The following ACOX3 variants were observed in gnomAD, a reference collection of about 807,000 sequenced individuals.
ACOX3 encodes peroxisomal acyl-coenzyme A oxidase 3.
A neutral mutation model predicts 81.5 loss-of-function variants in ACOX3; 73 were observed. The ratio of observed to expected loss-of-function variants is 0.90; its 90% CI spans 0.74 to 1.09. The LOEUF (loss-of-function observed/expected upper bound fraction) is 1.09. Ranked by LOEUF, ACOX3 falls within the 50% of genes least tolerant of loss-of-function variation. The pLI is 0.00. For synonymous variants in ACOX3, 387 were observed against 375.1 expected, an observed-to-expected ratio of 1.03 and a Z score of -0.37; for missense variants, 947 against 928.0, an observed-to-expected ratio of 1.02 and a Z score of -0.27.
Position 8,375,008 on chromosome 4 carries a change from G to A in ACOX3, c.1798C>T (p.Leu600=), listed in dbSNP as rs1334928778. Residue 600 remains leucine, a synonymous_variant, in exon 15 of 18, where the codon CTG becomes TTG. Transcript: ENST00000356406. ...TAGAGCAGGGCCGCGTGGCGGCTCA[G>A]GGACCACAGGGCGTACAGAGCACTG... is the stretch of plus-strand genomic sequence containing the variant. The part of the protein sequence containing the change: ...RLSALYALWS[L]SRHAALLYRG... The A allele has an allele frequency of 6.5e-7, 1 of 1,539,748 alleles. No individual in the cohort carries two copies. Among genetic ancestry groups the A allele is most frequent in the East Asian group, 2.4e-5 (1 of 41,476 alleles).
At chr4:8,396,789 G>C (rs1448344909) in intron 9 of ACOX3, 148 bp downstream of exon 9, 2 of 876,416 alleles carry the variant, frequency 2.3e-6, no homozygotes, top group Admixed American at 3.8e-5. Context: ...CTTGCGGCCT[G>C]AGATGCCGCA....
At position 8,400,045 on chromosome 4, in the gene ACOX3, G is replaced by A. The variant is rs751699384; in HGVS notation, c.777-393C>T. On this transcript the variant is annotated intron_variant, in intron 7 of 17. Transcript: ENST00000356406. This position sits in a 1 kb window ranked among gnomAD's most constrained non-coding sequence, Gnocchi z 4.4. ...GTGGATCACCTCAGGTCAGGAGTTC[G>A]AAACCAGCCTGACCAATATGGTGAA... Among the ~76,000 whole-genome samples, 15 of 152,020 alleles carry A rather than the reference G, an allele frequency of 9.9e-5. No individual in the cohort carries two copies. Among genetic ancestry groups the A allele is most frequent in the Non-Finnish European group, 1.9e-4 (13 of 68,028 alleles).
In ACOX3 at chr4:8,406,717, G is replaced by A. The variant is rs1241461918; in HGVS notation, c.688-674C>T. On this transcript the variant is annotated intron_variant, in intron 6 of 17. Transcript: ENST00000356406. This position sits in a 1 kb window ranked among gnomAD's most constrained non-coding sequence, Gnocchi z 5.6. Reference sequence around the variant, plus strand: ...GGCAGAGAGAGAGAGAGGAGACAGAGAGAAAGACAGCTTACGCCATTATTT... The same window carrying A: ...GGCAGAGAGAGAGAGAGGAGACAGAAAGAAAGACAGCTTACGCCATTATTT... Among the ~76,000 whole-genome samples, 1 of 152,234 alleles carries A rather than the reference G, an allele frequency of 6.6e-6. No individual in the cohort carries two copies.
intron 9 of ACOX3, among the ~76,000 whole-genome samples, chr4:8,396,196 A>C (rs1719670935): frequency 6.6e-6 from 1 of 152,156 alleles, no homozygotes; most frequent in Non-Finnish European, 1.5e-5. Context: ...ATGCCATCAC[A>C]GTGAACAGGG....
rs1717579464 is a variant in ACOX3, at chr4:8,381,004, C to G, written c.1653+488G>C. 6.6e-6 allele frequency among the ~76,000 whole-genome samples: 1 copy of G among 152,186 alleles called. No homozygotes were observed. Among genetic ancestry groups the G allele is most frequent in the South Asian group, 2.1e-4 (1 of 4,824 alleles). ...ATTTTTTCCCTGTGGCTTCCTGGAA[C>G]ATGAGAGACAGCCCTGTCCAAGTGT... On this transcript the variant is annotated intron_variant, in intron 14 of 17. Transcript: ENST00000356406. This position sits in a 1 kb window ranked among gnomAD's most constrained non-coding sequence, Gnocchi z 4.3.
At chr4:8,365,278 C>T (rs376696063), downstream of ACOX3, among the ~76,000 whole-genome samples, 1 of 152,216 alleles carries the variant, frequency 6.6e-6, no homozygotes, top group Non-Finnish European at 1.5e-5. Flanking sequence ...CCATCTAATT[C>T]GCAAGGGCCT....
chr4:8,380,292 C>A (rs1026852539), intron 14 of ACOX3, among the ~76,000 whole-genome samples: 1 of 150,192 alleles, frequency 6.7e-6, no homozygotes, highest in Non-Finnish European at 1.5e-5. Flanking sequence ...CAGGTTCAAG[C>A]GACTCTCCTG....
intron 16 of ACOX3, among the ~76,000 whole-genome samples, chr4:8,371,240 G>A (rs1462568297): frequency 6.6e-6 from 1 of 152,186 alleles, no homozygotes; most frequent in East Asian, 1.9e-4. Context: ...TTCCCAACAA[G>A]GTAGAAAAGG....
At chr4:8,369,155 C>T (rs1372804518) in intron 17 of ACOX3, among the ~76,000 whole-genome samples, 4 of 152,308 alleles carry the variant, frequency 2.6e-5, no homozygotes, top group Middle Eastern at 6.8e-3. Context: ...AGCAGGTAGA[C>T]GCTCAAGGCC....
At chr4:8,429,562 G>A (rs1327215508) in intron 1 of ACOX3, among the ~76,000 whole-genome samples, 1 of 152,196 alleles carries the variant, frequency 6.6e-6, no homozygotes, top group Non-Finnish European at 1.5e-5. Flanking sequence ...TGTGCTGGGA[G>A]TCAGCTTGCA....
At chr4:8,379,727 C>T (rs1717403064) in intron 14 of ACOX3, among the ~76,000 whole-genome samples, 1 of 152,056 alleles carries the variant, frequency 6.6e-6, no homozygotes, top group Non-Finnish European at 1.5e-5. Context: ...CTTTTGTGCC[C>T]CCCATCTCTG....
chr4:8,375,109 G>GT lies in ACOX3; in HGVS notation c.1696dup (p.Thr566AsnfsTer51). 2 of 1,554,864 alleles carry GT rather than the reference G, an allele frequency of 1.3e-6. No homozygotes were observed. The highest frequency in any genetic ancestry group is 1.2e-5 in the South Asian group (1 of 84,400). ...GTGCTCGTGGAACCTCTGGACCACC[G>GT]TGAGCTCCACGAAGGCCAGCGCCAA... On this transcript the variant is annotated frameshift_variant, in exon 15 of 18. Coordinates refer to ENST00000356406, the MANE Select transcript of ACOX3 (RefSeq NM_003501.3). LOFTEE classifies it high-confidence loss of function.
chr4:8,388,981 C>T (rs1420307670), intron 13 of ACOX3, among the ~76,000 whole-genome samples, 192 bp downstream of exon 13: 6 of 152,156 alleles, frequency 3.9e-5, no homozygotes, highest in East Asian at 3.9e-4. Flanking sequence ...GTGGAGTCAG[C>T]GCCTAACTCG....
In ACOX3 at chr4:8,370,420, A is replaced by T. The variant is rs1442664717; in HGVS notation, c.1983+488T>A. ...GGGGCAGGAGGAGAGCTGAGGAGCC[A>T]CAGGGAGGCGGTTGGGGGAAAGCGG... On this transcript the variant is annotated intron_variant, in intron 17 of 17. Coordinates refer to ENST00000356406, the MANE Select transcript of ACOX3 (RefSeq NM_003501.3). The surrounding 1 kb of genome is among the most constrained non-coding windows in gnomAD (Gnocchi z 6.3). 6.6e-6 allele frequency among the ~76,000 whole-genome samples: 1 copy of T among 152,162 alleles called. No individual in the cohort carries two copies. The highest frequency in any genetic ancestry group is 2.4e-5 in the African/African-American group (1 of 41,536).
intron 1 of ACOX3, among the ~76,000 whole-genome samples, chr4:8,421,444 G>C (rs960969809): frequency 6.6e-6 from 1 of 152,212 alleles, no homozygotes; most frequent in African/African-American, 2.4e-5. Context: ...CCCGGCATTG[G>C]CCGGTCAAGA....
In ACOX3 at chr4:8,399,719, G is replaced by A; in HGVS notation, c.777-67C>T. The A allele has an allele frequency of 6.9e-7, 1 of 1,456,324 alleles. No individual in the cohort carries two copies. Among genetic ancestry groups the A allele is most frequent in the Non-Finnish European group, 9.6e-7 (1 of 1,041,012 alleles). The allele number at this position is 1,456,324 out of a possible 1,614,324, so 90.2% of individuals were successfully genotyped here. A position where few individuals can be genotyped will look rare whatever the true frequency, so the allele number is the denominator to read the frequency against. On this transcript the variant is annotated intron_variant, in intron 7 of 17. Coordinates refer to ENST00000356406, the MANE Select transcript of ACOX3 (RefSeq NM_003501.3). The surrounding 1 kb of genome is among the most constrained non-coding windows in gnomAD (Gnocchi z 4.9). ...CCCTGAGGCTCTTCTCTTCTCCAAG[G>A]GCAGCCTAAAAGCTGATGCAATCCC...
intron 1 of ACOX3, among the ~76,000 whole-genome samples, chr4:8,418,956 A>G (rs547539434): frequency 6.1e-4 from 93 of 152,218 alleles, no homozygotes; most frequent in African/African-American, 2.1e-3. Flanking sequence ...CAAAAACCCA[A>G]TGAGAGACCA....
chr4:8,424,424 G>A (rs550124088), intron 1 of ACOX3, among the ~76,000 whole-genome samples: 3 of 152,228 alleles, frequency 2.0e-5, no homozygotes, highest in East Asian at 1.9e-4. Flanking sequence ...ACACAGGTCC[G>A]AGGGACCAGG....
At chr4:8,427,435 C>T (rs373768586) in intron 1 of ACOX3, among the ~76,000 whole-genome samples, 28 of 152,314 alleles carry the variant, frequency 1.8e-4, no homozygotes, top group African/African-American at 6.5e-4. Flanking sequence ...TCGCAGACGC[C>T]CCGCTGACTT....
Sources: allele counts gnomAD v4.1 joint callset (sites outside exome capture counted in the v4.1 genomes callset), GRCh38; gene constraint gnomAD v4.1.1; non-coding constraint Gnocchi (gnomAD v3.1); transcripts MANE v1.5; gene names NCBI Gene and HGNC (gene_info 2026-07-23, HGNC 2026-07-21).